MPP7: variants seen among roughly 807,000 people sequenced by gnomAD.
The protein encoded by MPP7 is MAGUK p55 scaffold protein 7.
A neutral mutation model predicts 76.5 loss-of-function variants in MPP7; 60 were observed. That is an observed-to-expected ratio of 0.78 (90% confidence interval 0.64 to 0.97). MPP7 has a LOEUF of 0.97. Ranked by LOEUF, MPP7 falls within the 50% of genes least tolerant of loss-of-function variation. MPP7 has a pLI of 0.00. For missense variants in MPP7, 641 were observed against 694.0 expected, an observed-to-expected ratio of 0.92 and a Z score of 0.86; for synonymous variants, 237 against 244.5, an observed-to-expected ratio of 0.97 and a Z score of 0.29.
intron 12 of MPP7, among the ~76,000 whole-genome samples, chr10:28,081,933 A>G (rs147450896): frequency 0.012 from 1,820 of 152,134 alleles, 52 homozygotes; most frequent in East Asian, 0.11. Flanking sequence ...TTGTATTTTT[A>G]GTAGAGACGG....
intron 1 of MPP7, among the ~76,000 whole-genome samples, chr10:28,274,414 T>C (rs542637211): frequency 6.6e-6 from 1 of 152,190 alleles, no homozygotes; most frequent in South Asian, 2.1e-4. Flanking sequence ...TTTTTTAAAA[T>C]ATTACATTTA....
intron 3 of MPP7, 43 bp downstream of exon 3, chr10:28,202,110 C>T: frequency 7.3e-7 from 1 of 1,374,662 alleles, no homozygotes; most frequent in Non-Finnish European, 1.0e-6. Context: ...AATATTTTTC[C>T]ATATGCTTTT....
chr10:28,113,352 T>C (rs1197025252), intron 11 of MPP7, among the ~76,000 whole-genome samples: 1 of 152,194 alleles, frequency 6.6e-6, no homozygotes, highest in African/African-American at 2.4e-5. Context: ...CTCTGGGATC[T>C]GTGAGTAATA....
intron 1 of MPP7, among the ~76,000 whole-genome samples, chr10:28,300,825 G>T (rs954422055): frequency 6.6e-6 from 1 of 151,846 alleles, no homozygotes; most frequent in Non-Finnish European, 1.5e-5. Flanking sequence ...TGGGCGTGGT[G>T]GCATGCGCCT....
chr10:28,195,717 T>G (rs1837559404), intron 3 of MPP7, among the ~76,000 whole-genome samples: 1 of 152,188 alleles, frequency 6.6e-6, no homozygotes, highest in South Asian at 2.1e-4. Context: ...GGCAGTTGTT[T>G]AGGGATGGGA....
chr10:28,262,204 TA>T lies in MPP7; in HGVS notation c.-131-23470del, dbSNP rs2132945968. ...AATAAATTATATATATATATATATA[TA>T]TACATATATATATATATATACATAT... On this transcript the variant is annotated intron_variant, in intron 1 of 16. Transcript: ENST00000683449. 2.9e-4 allele frequency among the ~76,000 whole-genome samples: 2 copies of T among 6,814 alleles called. 1 individual carries two copies. Among genetic ancestry groups the T allele is most frequent in the Non-Finnish European group, 1.1e-3 (2 of 1,874 alleles). The allele number at this position is 6,814 out of a possible 152,430, so 4.5% of individuals were successfully genotyped here.
upstream of MPP7, among the ~76,000 whole-genome samples, chr10:28,303,795 C>T (rs1368462374): frequency 6.6e-6 from 1 of 152,056 alleles, no homozygotes; most frequent in Non-Finnish European, 1.5e-5. Flanking sequence ...GAGGGCTACC[C>T]CGAAAAAACA....
At chr10:28,251,448 C>T (rs1839610981) in intron 1 of MPP7, among the ~76,000 whole-genome samples, 1 of 151,710 alleles carries the variant, frequency 6.6e-6, no homozygotes. Flanking sequence ...AGTGACAGAA[C>T]AAGGCCCTGT....
intron 3 of MPP7, among the ~76,000 whole-genome samples, chr10:28,167,007 C>G (rs1588875985): frequency 6.6e-6 from 1 of 152,032 alleles, no homozygotes; most frequent in East Asian, 1.9e-4. Context: ...AGCTTTTCTG[C>G]TATTATGAAC....
intron 11 of MPP7, among the ~76,000 whole-genome samples, chr10:28,110,544 T>C (rs561850862): frequency 1.3e-5 from 2 of 152,334 alleles, no homozygotes; most frequent in South Asian, 4.1e-4. Context: ...TCCTTTCTAT[T>C]GATAAGAAGA....
chr10:28,227,516 T>A (rs1838735849), intron 2 of MPP7, among the ~76,000 whole-genome samples: 1 of 151,964 alleles, frequency 6.6e-6, no homozygotes, highest in East Asian at 1.9e-4. Flanking sequence ...CCTCCTTGTA[T>A]CCATGTGATC....
At chr10:28,317,525 TG>T (rs1304299820) in intron 2 of MPP7, among the ~76,000 whole-genome samples, 3 of 152,180 alleles carry the variant, frequency 2.0e-5, no homozygotes, top group African/African-American at 7.2e-5. Flanking sequence ...AACAAGACCC[TG>T]TATTTAAAAA....
intron 1 of MPP7, among the ~76,000 whole-genome samples, chr10:28,300,002 T>C (rs10763656): frequency 0.24 from 36,403 of 151,682 alleles, 5,142 homozygotes; most frequent in East Asian, 0.5. Context: ...CTCCTGACCT[T>C]GTGATCCGCC....
chr10:28,065,434 T>C, intron 13 of MPP7, among the ~76,000 whole-genome samples: 1 of 152,204 alleles, frequency 6.6e-6, no homozygotes, highest in Admixed American at 6.5e-5. Flanking sequence ...CAGTGCCTAA[T>C]TGTAATGAGT....
chr10:28,287,934 C>A (rs1366027479), intron 1 of MPP7, among the ~76,000 whole-genome samples: 1 of 152,124 alleles, frequency 6.6e-6, no homozygotes, highest in African/African-American at 2.4e-5. Context: ...TGGCCACTTG[C>A]AGAGTTTGAT....
At chr10:28,058,715 CTG>C in intron 14 of MPP7, 112 bp from the exon 15 acceptor site, 1 of 524,182 alleles carries the variant, frequency 1.9e-6, no homozygotes, top group East Asian at 3.0e-5. Flanking sequence ...TTTTTTTAAA[CTG>C]TGTTTAATAA....
In MPP7 at chr10:28,150,042, G is replaced by A; in HGVS notation, c.174C>T (p.His58=). Residue 58 remains histidine (H), a synonymous_variant, in exon 4 of 17, where the codon CAC becomes CAT. Transcript: ENST00000683449. ...GCACCGGACTCTGCTTCTCATAGTAGTGTAGTTTTTCATGAATCTGGAAGA... is the reference window on the plus strand; with the variant it reads ...GCACCGGACTCTGCTTCTCATAGTAATGTAGTTTTTCATGAATCTGGAAGA... ...HSLVKIHEKL[H]YYEKQSPVPI... is the part of the protein sequence containing the mutation. The A allele has an allele frequency of 6.2e-7, 1 of 1,613,520 alleles. No homozygotes were observed. Among genetic ancestry groups the A allele is most frequent in the Non-Finnish European group, 8.5e-7 (1 of 1,179,822 alleles).
At chr10:28,059,803 T>G (rs951862325) in intron 13 of MPP7, 60 bp from the exon 14 acceptor site, 1 of 1,134,564 alleles carries the variant, frequency 8.8e-7, no homozygotes, top group Non-Finnish European at 1.3e-6. Context: ...AGGAAAATAC[T>G]AAAAAAGAAA....
intron 5 of MPP7, among the ~76,000 whole-genome samples, chr10:28,145,786 AAAAT>A (rs147783947): frequency 0.1 from 15,528 of 152,178 alleles, 1,308 homozygotes; most frequent in East Asian, 0.42. Context: ...GATAAAATGA[AAAAT>A]AACCAAATTA....
Sources: gnomAD v4.1 joint callset for allele counts (sites outside exome capture counted in the v4.1 genomes callset) on GRCh38, gnomAD v4.1.1 for gene constraint, MANE v1.5 for transcripts, NCBI Gene and HGNC (gene_info 2026-07-23, HGNC 2026-07-21) for gene names.